VIT: variants seen among roughly 807,000 people sequenced by gnomAD.
The protein encoded by VIT is vitrin.
Under a neutral mutation model 78.0 loss-of-function variants are expected in VIT, and 99 were observed. The observed-to-expected ratio is 1.27, with a 90% confidence interval of 1.08 to 1.50. The LOEUF is 1.50. VIT is among the 40% of genes most tolerant of loss of function. The pLI is 0.00. For synonymous variants in VIT, 374 were observed against 334.3 expected (o/e 1.12, Z -1.29); for missense variants, 1,126 against 875.3 (o/e 1.29, Z -3.61).
chr2:36,813,256 C>T (rs1010258902), intron 15 of VIT, among the ~76,000 whole-genome samples: 1 of 151,816 alleles, frequency 6.6e-6, no homozygotes, highest in Admixed American at 6.5e-5. Context: ...TCGAGACCAG[C>T]CTGGCAAACA....
At chr2:36,724,954 A>G (rs1044010437) in intron 2 of VIT, among the ~76,000 whole-genome samples, 2 of 152,222 alleles carry the variant, frequency 1.3e-5, no homozygotes, top group East Asian at 1.9e-4. Context: ...AAAATATTAT[A>G]GGATTATAGA....
intron 12 of VIT, among the ~76,000 whole-genome samples, chr2:36,788,358 G>A (rs1227698788): frequency 1.3e-5 from 2 of 152,164 alleles, no homozygotes; most frequent in Non-Finnish European, 2.9e-5. Context: ...TTTTTGAGTT[G>A]TCAAGAGAAA....
At chr2:36,713,708 G>A (rs1249776545) in intron 1 of VIT, among the ~76,000 whole-genome samples, 3 of 152,148 alleles carry the variant, frequency 2.0e-5, no homozygotes, top group Admixed American at 6.5e-5. Context: ...TGAATATAGC[G>A]CCAACAGGAT....
In VIT at chr2:36,798,712, T is replaced by G. The variant is rs1013931129; in HGVS notation, c.1059-2589T>G. On this transcript the variant is annotated intron_variant, in intron 12 of 15. Transcript: ENST00000379242. ...AGGCAGAGGTTGCAGTGAACCAAAA[T>G]CGAGCCACTGCACTCCAGCCTGGGC... Among the ~76,000 whole-genome samples the G allele has an allele frequency of 1.7e-4, 26 of 151,986 alleles. 1 individual carries two copies. Among genetic ancestry groups the G allele is most frequent in the African/African-American group, 6.0e-4 (25 of 41,344 alleles).
intron 8 of VIT, 38 bp downstream of exon 8, chr2:36,773,885 GTTAA>G (rs1669904668): frequency 3.2e-6 from 5 of 1,565,630 alleles, no homozygotes; most frequent in Non-Finnish European, 4.3e-6. Context: ...ACTGATGAAA[GTTAA>G]GCTTGTTTAC....
intron 2 of VIT, among the ~76,000 whole-genome samples, chr2:36,717,333 AATGTGTGTGT>A (rs1214320027): frequency 2.8e-4 from 29 of 102,768 alleles, no homozygotes; most frequent in African/African-American, 9.4e-4. Context: ...ACGCCTGGCT[AATGTGTGTGT>A]GTGTGTGTGT....
intron 6 of VIT, chr2:36,759,267 G>C (rs1668965196): frequency 6.7e-7 from 1 of 1,490,124 alleles, no homozygotes; most frequent in Non-Finnish European, 8.9e-7. Context: ...TTCCGAGATT[G>C]TGTCTCTATA....
At chr2:36,699,593 T>G (rs1252031738) in intron 1 of VIT, among the ~76,000 whole-genome samples, 1 of 58,130 alleles carries the variant, frequency 1.7e-5, no homozygotes, top group South Asian at 6.6e-4. Flanking sequence ...ATTATAGATA[T>G]AGATATAGAT....
intron 1 of VIT, among the ~76,000 whole-genome samples, chr2:36,714,581 A>C (rs945895520): frequency 6.6e-6 from 1 of 152,142 alleles, no homozygotes; most frequent in Non-Finnish European, 1.5e-5. Context: ...AGAGGGGAGG[A>C]GTGTTTTACT....
intron 3 of VIT, among the ~76,000 whole-genome samples, chr2:36,735,614 C>T (rs77495735): frequency 0.027 from 4,077 of 152,254 alleles, 196 homozygotes; most frequent in African/African-American, 0.093. Flanking sequence ...GGTGGGGAAG[C>T]CCTGTACCTA....
intron 3 of VIT, among the ~76,000 whole-genome samples, chr2:36,733,862 C>A (rs1667349707): frequency 6.6e-6 from 1 of 152,098 alleles, no homozygotes; most frequent in South Asian, 2.1e-4. Flanking sequence ...CTCCTCTTCA[C>A]TAAATAAAAA....
chr2:36,729,285 A>T, intron 2 of VIT, 141 bp from the exon 3 acceptor site: 1 of 601,952 alleles, frequency 1.7e-6, no homozygotes, highest in Non-Finnish European at 2.8e-6. Flanking sequence ...CCCCATCATT[A>T]AGTGATGCAT....
At chr2:36,787,804 C>G (rs1471705921) in intron 12 of VIT, 1 of 456,208 alleles carries the variant, frequency 2.2e-6, no homozygotes, top group Non-Finnish European at 4.4e-6. Flanking sequence ...TGCACTGGTA[C>G]TGGAAAAACT....
At chr2:36,737,386 G>T (rs1231403611) in intron 3 of VIT, among the ~76,000 whole-genome samples, 1 of 152,174 alleles carries the variant, frequency 6.6e-6, no homozygotes, top group Non-Finnish European at 1.5e-5. Flanking sequence ...AGAGGGCGGG[G>T]ACTCCTGAGA....
intron 9 of VIT, 44 bp downstream of exon 9, chr2:36,775,111 C>T (rs1669974941): frequency 1.2e-6 from 2 of 1,607,338 alleles, no homozygotes; most frequent in Non-Finnish European, 1.7e-6. Context: ...TAGGAATTTG[C>T]TCTGTGGCAC....
intron 12 of VIT, among the ~76,000 whole-genome samples, chr2:36,788,256 A>T (rs1572541136): frequency 6.6e-6 from 1 of 152,120 alleles, no homozygotes; most frequent in African/African-American, 2.4e-5. Flanking sequence ...GAAAAGAAAA[A>T]CTATCCATAC....
chr2:36,743,007 A>G lies in VIT; in HGVS notation c.119-93A>G, dbSNP rs368824845. On this transcript the variant is annotated intron_variant, in intron 3 of 15. Coordinates refer to ENST00000379242, the MANE Select transcript of VIT (RefSeq NM_053276.4). ...AGAGTCGGCCCAGGCTCTGGCTTTT[A>G]GAGATTAAGTCAATAGTTGAGACCT... 61 of 1,519,422 alleles carry G rather than the reference A, an allele frequency of 4.0e-5. 1 individual carries two copies. In the East Asian group the frequency reaches 8.5e-4, roughly 21 times the overall value. 94.1% of individuals were successfully genotyped at this position (1,519,422 alleles called of 1,614,324 possible).
Position 36,808,815 on chromosome 2 carries a change from A to C in VIT, c.1733A>C (p.Lys578Thr), listed in dbSNP as rs1484978551. 1 of 1,614,190 alleles carries C rather than the reference A, an allele frequency of 6.2e-7. No homozygotes were observed. The change falls in exon 15 of 16, where the codon AAG (lysine) becomes ACG (threonine). Residue 578 changes from lysine (K) to threonine (T), a missense_variant. Transcript: ENST00000379242. ...SSKPDILNAIKRVGYWSGGTS... is the reference protein window; with the variant it reads ...SSKPDILNAITRVGYWSGGTS... The stretch of plus-strand genomic sequence containing the variant: ...AAGCCTGACATCCTCAACGCCATCA[A>C]GAGGGTGGGCTACTGGAGTGGTGGC...
chr2:36,752,312 T>C (rs1668511174), intron 4 of VIT, among the ~76,000 whole-genome samples: 1 of 152,198 alleles, frequency 6.6e-6, no homozygotes, highest in Non-Finnish European at 1.5e-5. Flanking sequence ...CTCTTCACGC[T>C]GATCTCTGAC....
Sources: allele counts gnomAD v4.1 joint callset (sites outside exome capture counted in the v4.1 genomes callset), GRCh38; gene constraint gnomAD v4.1.1; transcripts MANE v1.5; gene names NCBI Gene and HGNC (gene_info 2026-07-23, HGNC 2026-07-21).